The following C1orf21 variants were observed in gnomAD, a reference collection of about 807,000 sequenced individuals.
C1orf21 encodes the protein uncharacterized protein C1orf21.
A neutral mutation model predicts 18.7 loss-of-function variants in C1orf21; 3 were observed. That is an observed-to-expected ratio of 0.16 (90% confidence interval 0.07 to 0.42). C1orf21 has a LOEUF of 0.42. Among genes scored for constraint, C1orf21 ranks in the 10% least tolerant of loss-of-function variants. The probability of loss-of-function intolerance (pLI) is 0.99; values close to 1 mark genes in which losing one functional copy is unlikely to be tolerated. For missense variants in C1orf21, 104 were observed against 143.6 expected (o/e 0.72, Z 1.41); for synonymous variants, 41 against 46.4 (o/e 0.88, Z 0.47).
At chr1:184,458,936 A>T (rs1016717560) in intron 1 of C1orf21, among the ~76,000 whole-genome samples, 5 of 152,226 alleles carry the variant, frequency 3.3e-5, no homozygotes, top group Admixed American at 3.3e-4. Flanking sequence ...TCCGTGTTGT[A>T]GAAGTAAATG....
At position 184,618,933 on chromosome 1, in the gene C1orf21, T is replaced by C. The variant is rs555347138; in HGVS notation, c.328-585T>C. Among the ~76,000 whole-genome samples the C allele has an allele frequency of 2.6e-5, 4 of 152,356 alleles. No homozygotes were observed. The South Asian group carries it at 8.3e-4, about 32-fold the overall frequency. ...TATGTTCACAAATAACCATTGTACATAGTCCTTAGAGCTTCAGATAACCTG... is the reference window on the plus strand; with the variant it reads ...TATGTTCACAAATAACCATTGTACACAGTCCTTAGAGCTTCAGATAACCTG... On this transcript the variant is annotated intron_variant, in intron 5 of 5. Coordinates refer to ENST00000235307, the MANE Select transcript of C1orf21 (RefSeq NM_030806.4).
intron 1 of C1orf21, among the ~76,000 whole-genome samples, chr1:184,455,509 A>G (rs1031357518): frequency 3.3e-5 from 5 of 152,060 alleles, no homozygotes; most frequent in East Asian, 1.9e-4. Context: ...GAGACATCCA[A>G]TCTCCTCCCA....
At chr1:184,559,581 C>T (rs1223440859) in intron 3 of C1orf21, among the ~76,000 whole-genome samples, 1 of 127,962 alleles carries the variant, frequency 7.8e-6, no homozygotes, top group African/African-American at 3.4e-5. Flanking sequence ...CTCCCTCCCT[C>T]TCTTCCTCCC....
chr1:184,520,952 GGC>G (rs1658298204), intron 3 of C1orf21, among the ~76,000 whole-genome samples: 1 of 152,146 alleles, frequency 6.6e-6, no homozygotes, highest in Non-Finnish European at 1.5e-5. Context: ...GGAGGGCAAT[GGC>G]ACGATCTTGG....
rs1211361325 is a variant in C1orf21 at position 184,579,510 on chromosome 1, T to C, written c.190-11229T>C. Among the ~76,000 whole-genome samples, 26 of 135,744 alleles carry C rather than the reference T, an allele frequency of 1.9e-4. No homozygotes were observed. The East Asian group carries it at 5.3e-3, about 28-fold the overall frequency. The allele number at this position is 135,744 out of a possible 152,430, so 89.1% of individuals were successfully genotyped here. ...CAAGATTTTCTTTTTTTTTTTTTTTTTCCTTTTTTTTTTGTTTAAGATGGA... is the reference window on the plus strand; with the variant it reads ...CAAGATTTTCTTTTTTTTTTTTTTTCTCCTTTTTTTTTTGTTTAAGATGGA... On this transcript the variant is annotated intron_variant, in intron 3 of 5. Coordinates refer to ENST00000235307, the MANE Select transcript of C1orf21 (RefSeq NM_030806.4).
chr1:184,529,992 C>T (rs1161832293), intron 3 of C1orf21, among the ~76,000 whole-genome samples: 3 of 152,160 alleles, frequency 2.0e-5, no homozygotes, highest in Non-Finnish European at 4.4e-5. Context: ...CCATATCTTA[C>T]TTTTACACGC....
At position 184,472,182 on chromosome 1, in the gene C1orf21, G is replaced by T. The variant is rs113981028; in HGVS notation, c.-124-5204G>T. Among the ~76,000 whole-genome samples, 163 of 152,052 alleles carry T rather than the reference G, an allele frequency of 1.1e-3. 2 individuals are homozygous for T. The highest frequency in any genetic ancestry group is 3.9e-3 in the African/African-American group (161 of 41,480). On this transcript the variant is annotated intron_variant, in intron 1 of 5. Transcript: ENST00000235307. ...CCTTTATGGAGCTTAGATGTTAGCT[G>T]TTTCTTCAATAAAAGAGAGGAGTTT...
At chr1:184,524,541 A>G (rs1658351688) in intron 3 of C1orf21, among the ~76,000 whole-genome samples, 2 of 152,166 alleles carry the variant, frequency 1.3e-5, no homozygotes, top group African/African-American at 4.8e-5. Flanking sequence ...AGATTAAAAT[A>G]TTCTTCTAAA....
At position 184,590,766 on chromosome 1, in the gene C1orf21, C is replaced by T. The variant is rs867556439; in HGVS notation, c.217C>T (p.Leu73Phe). The change falls in exon 4 of 6, where the codon CTT becomes TTT. Residue 73 changes from leucine to phenylalanine, a missense_variant. Transcript: ENST00000235307. ...LEKSASSNVR[L>F]KTNKEVPGLV... ...AAAAAGTGCCAGCTCAAATGTAAGA[C>T]TTAAAACTAATAAAGAGGTTCCGGG... 1 of 1,614,086 alleles carries T rather than the reference C, an allele frequency of 6.2e-7. No individual in the cohort carries two copies. Among genetic ancestry groups the T allele is most frequent in the Middle Eastern group, 1.7e-4 (1 of 6,060 alleles).
At chr1:184,524,815 C>T (rs1235662959) in intron 3 of C1orf21, among the ~76,000 whole-genome samples, 1 of 152,050 alleles carries the variant, frequency 6.6e-6, no homozygotes, top group Non-Finnish European at 1.5e-5. Context: ...AAAATGTATA[C>T]GGTTTCTGCT....
intron 1 of C1orf21, among the ~76,000 whole-genome samples, chr1:184,428,020 A>C (rs1054083167): frequency 1.3e-5 from 2 of 152,200 alleles, no homozygotes; most frequent in African/African-American, 4.8e-5. Context: ...CAGCTGTACA[A>C]CCTTGGGCAA....
At chr1:184,431,492 A>G (rs199530307) in intron 1 of C1orf21, among the ~76,000 whole-genome samples, 2 of 152,150 alleles carry the variant, frequency 1.3e-5, no homozygotes, top group African/African-American at 2.4e-5. Flanking sequence ...AGACTTAAAC[A>G]TAAGACCTAA....
At chr1:184,584,738 G>A (rs565003755) in intron 3 of C1orf21, among the ~76,000 whole-genome samples, 1 of 152,246 alleles carries the variant, frequency 6.6e-6, no homozygotes, top group African/African-American at 2.4e-5. Context: ...ATTTAGCAAT[G>A]AAAACAAATA....
intron 4 of C1orf21, among the ~76,000 whole-genome samples, chr1:184,594,264 G>A (rs1256638944): frequency 1.3e-5 from 2 of 152,140 alleles, no homozygotes; most frequent in Non-Finnish European, 2.9e-5. Context: ...CTGTGTTCAG[G>A]CCAAGATTTA....
intron 3 of C1orf21, among the ~76,000 whole-genome samples, chr1:184,587,524 T>TTG (rs3034486): frequency 0.033 from 4,670 of 139,628 alleles, 82 homozygotes; most frequent in South Asian, 0.068. Context: ...TTCCTAGGAA[T>TTG]TGTGTGTGTG....
At chr1:184,419,456 A>T (rs2101965933) in intron 1 of C1orf21, among the ~76,000 whole-genome samples, 1 of 152,314 alleles carries the variant, frequency 6.6e-6, no homozygotes, top group African/African-American at 2.4e-5. Flanking sequence ...AAAAGGTCTT[A>T]TTCATTCACT....
chr1:184,587,113 G>C (rs992572906), intron 3 of C1orf21, among the ~76,000 whole-genome samples: 11 of 152,074 alleles, frequency 7.2e-5, no homozygotes, highest in Admixed American at 1.3e-4. Flanking sequence ...GCTTATTTCT[G>C]GGTTCTCTGT....
At chr1:184,442,306 T>G (rs1216809840) in intron 1 of C1orf21, among the ~76,000 whole-genome samples, 1 of 152,204 alleles carries the variant, frequency 6.6e-6, no homozygotes, top group Admixed American at 6.5e-5. Context: ...TCAGGCAGAC[T>G]TAGTGCAAGT....
chr1:184,521,871 A>G (rs1441129366), intron 3 of C1orf21, among the ~76,000 whole-genome samples: 1 of 152,240 alleles, frequency 6.6e-6, no homozygotes, highest in East Asian at 1.9e-4. Context: ...GATTGAGGGA[A>G]AGATGCTAAC....
Sources: gnomAD v4.1 joint callset for allele counts (sites outside exome capture counted in the v4.1 genomes callset) on GRCh38, gnomAD v4.1.1 for gene constraint, MANE v1.5 for transcripts, NCBI Gene and HGNC (gene_info 2026-07-23, HGNC 2026-07-21) for gene names.